Variants in NOX4 observed in about 807,000 individuals in gnomAD.
NOX4 encodes NADPH oxidase 4.
NOX4 carries 69 observed loss-of-function variants against 87.6 expected under a neutral mutation model. The ratio of observed to expected loss-of-function variants is 0.79; its 90% CI spans 0.65 to 0.96. The LOEUF (loss-of-function observed/expected upper bound fraction) is 0.96, where lower values mean the gene tolerates loss of function less well. Among genes scored for constraint, NOX4 ranks in the 40% least tolerant of loss-of-function variants. The probability of loss-of-function intolerance (pLI) is 0.00; values close to 1 mark genes in which losing one functional copy is unlikely to be tolerated. For missense variants in NOX4, 680 were observed against 681.5 expected, an observed-to-expected ratio of 1.00 and a Z score of 0.02; for synonymous variants, 275 against 238.2, an observed-to-expected ratio of 1.15 and a Z score of -1.42.
At chr11:89,437,418 C>A (rs569418775) in intron 6 of NOX4, among the ~76,000 whole-genome samples, 2 of 152,264 alleles carry the variant, frequency 1.3e-5, no homozygotes, top group Non-Finnish European at 2.9e-5. Context: ...CTCTACTTTG[C>A]ACTGTCACCT....
At chr11:89,498,265 A>G (rs1946980349), upstream of NOX4, 1 of 152,228 alleles carries the variant, frequency 6.6e-6, no homozygotes, top group South Asian at 2.1e-4. Context: ...GAAGATAGAT[A>G]ACATTAAAAA....
At chr11:89,532,571 T>C in the NOX4 span, among the ~76,000 whole-genome samples, 1 of 152,200 alleles carries the variant, frequency 6.6e-6, no homozygotes, top group Non-Finnish European at 1.5e-5. Flanking sequence ...ACTTCCCTTG[T>C]CTCAGATGAG....
intron 5 of NOX4, 87 bp from the exon 6 acceptor site, chr11:89,440,802 C>A: frequency 3.0e-6 from 2 of 673,270 alleles, no homozygotes; most frequent in South Asian, 2.2e-5. Flanking sequence ...ATCTACAAAC[C>A]ACATACTTGT....
the NOX4 span, among the ~76,000 whole-genome samples, chr11:89,551,821 A>C: frequency 6.6e-6 from 1 of 152,016 alleles, no homozygotes; most frequent in South Asian, 2.1e-4. Context: ...AGAACTTTCA[A>C]TACTATGTTG....
chr11:89,331,106 A>T (rs1045007618), intron 17 of NOX4, among the ~76,000 whole-genome samples: 2 of 152,014 alleles, frequency 1.3e-5, no homozygotes, highest in African/African-American at 4.8e-5. Flanking sequence ...ACAGGTGTCA[A>T]TACATTTTAA....
At chr11:89,577,297 A>G in the NOX4 span, 62 of 152,312 alleles carry the variant, frequency 4.1e-4, 1 homozygote, top group African/African-American at 1.5e-3. Context: ...GATATATAAG[A>G]TAGATCTAGA....
chr11:89,575,582 A>G, the NOX4 span, among the ~76,000 whole-genome samples: 1 of 152,308 alleles, frequency 6.6e-6, no homozygotes, highest in Admixed American at 6.5e-5. Context: ...ATTGTTTTCC[A>G]GCCACTTTAT....
chr11:89,368,437 G>C (rs553403204), intron 12 of NOX4, among the ~76,000 whole-genome samples: 15 of 152,010 alleles, frequency 9.9e-5, no homozygotes, highest in Admixed American at 9.8e-4. Context: ...CAAGATCAAG[G>C]CACCAGCAGC....
intron 2 of NOX4, among the ~76,000 whole-genome samples, chr11:89,458,281 C>T (rs1945296870): frequency 6.6e-6 from 1 of 151,904 alleles, no homozygotes; most frequent in African/African-American, 2.4e-5. Context: ...GAATGAAAGA[C>T]TTAAATATAA....
intron 4 of NOX4, among the ~76,000 whole-genome samples, chr11:89,446,382 A>G (rs1454117967): frequency 6.6e-6 from 1 of 152,120 alleles, no homozygotes; most frequent in Non-Finnish European, 1.5e-5. Context: ...AAAGGAACTA[A>G]AAATGTATGC....
chr11:89,456,139 T>C (rs1444967783), intron 2 of NOX4, among the ~76,000 whole-genome samples: 1 of 152,132 alleles, frequency 6.6e-6, no homozygotes, highest in Non-Finnish European at 1.5e-5. Flanking sequence ...GCTACTCTTA[T>C]GACATATTGC....
chr11:89,351,962 T>C (rs1034729115), intron 13 of NOX4, among the ~76,000 whole-genome samples: 2 of 152,166 alleles, frequency 1.3e-5, no homozygotes, highest in African/African-American at 2.4e-5. Flanking sequence ...TGCAGCAATA[T>C]GGATAAAACT....
intron 13 of NOX4, 26 bp from the exon 14 acceptor site, chr11:89,342,219 GA>G (rs746436973): frequency 1.3e-5 from 20 of 1,579,150 alleles, no homozygotes; most frequent in East Asian, 6.8e-5. Context: ...AAAAAGGTGG[GA>G]AAAAAATGAA....
intron 12 of NOX4, among the ~76,000 whole-genome samples, chr11:89,365,776 A>AAAAAC (rs1938932550): frequency 1.3e-5 from 2 of 149,982 alleles, no homozygotes; most frequent in African/African-American, 5.0e-5. Flanking sequence ...AAAAAAAAAA[A>AAAAAC]CAGGAGATTT....
rs67342388 is a variant in NOX4, at chr11:89,474,458, CAAAAAAA to C, written c.153+15993_153+15999del. On this transcript the variant is annotated intron_variant, in intron 2 of 17. Coordinates refer to ENST00000263317, the MANE Select transcript of NOX4 (RefSeq NM_016931.5). Reference sequence around the variant, plus strand: ...TTCACTGCCGTATGATCTATAATACCAAAAAAAAAAAAAAAAAAAAGGAATTAAAGTT... The same window carrying C: ...TTCACTGCCGTATGATCTATAATACCAAAAAAAAAAAAAGGAATTAAAGTT... 1.4e-4 allele frequency among the ~76,000 whole-genome samples: 14 copies of C among 97,038 alleles called. 1 individual carries two copies. The highest frequency in any genetic ancestry group is 0.017 in the Middle Eastern group (2 of 116). 63.7% of individuals were successfully genotyped at this position (97,038 alleles called of 152,430 possible). A position where few individuals can be genotyped will look rare whatever the true frequency, so the allele number is the denominator to read the frequency against.
chr11:89,553,302 G>T, the NOX4 span, among the ~76,000 whole-genome samples: 1 of 152,100 alleles, frequency 6.6e-6, no homozygotes. Context: ...TCTCATGATG[G>T]TGAGTGATTT....
Position 89,361,963 on chromosome 11 carries a change from C to A in NOX4, c.1136-6920G>T, listed in dbSNP as rs770310093. Among the ~76,000 whole-genome samples, 44 of 152,032 alleles carry A rather than the reference C, an allele frequency of 2.9e-4. 1 individual carries two copies. Among genetic ancestry groups the A allele is most frequent in the Non-Finnish European group, 3.7e-4 (25 of 67,996 alleles). On this transcript the variant is annotated intron_variant, in intron 12 of 17. Coordinates refer to ENST00000263317, the MANE Select transcript of NOX4 (RefSeq NM_016931.5). ...AGCAAATACCTCTCACAGAGCAGCT[C>A]ACATCCATTGACTGAACAAGGCAAG... is the stretch of plus-strand genomic sequence containing the variant.
At chr11:89,460,450 C>T (rs575613578) in intron 2 of NOX4, among the ~76,000 whole-genome samples, 1 of 152,014 alleles carries the variant, frequency 6.6e-6, no homozygotes, top group East Asian at 1.9e-4. Context: ...ACGATGAACT[C>T]AAACAAATTT....
intron 6 of NOX4, among the ~76,000 whole-genome samples, chr11:89,433,676 T>C (rs923669684): frequency 6.6e-6 from 1 of 152,096 alleles, no homozygotes; most frequent in African/African-American, 2.4e-5. Flanking sequence ...TGTTGATGTT[T>C]TAAAAATACT....
Sources: gnomAD v4.1 joint callset for allele counts (sites outside exome capture counted in the v4.1 genomes callset) on GRCh38, gnomAD v4.1.1 for gene constraint, MANE v1.5 for transcripts, NCBI Gene and HGNC (gene_info 2026-07-23, HGNC 2026-07-21) for gene names.